Variants in GATAD2A observed in about 807,000 individuals in gnomAD.
GATAD2A encodes transcriptional repressor p66-alpha.
Under a neutral mutation model 68.5 loss-of-function variants are expected in GATAD2A, and 12 were observed. The observed-to-expected ratio is 0.18, with a 90% CI of 0.11 to 0.28. The LOEUF (loss-of-function observed/expected upper bound fraction) is 0.28, where lower values mean the gene tolerates loss of function less well. GATAD2A is among the 10% of genes least tolerant of loss of function. GATAD2A has a pLI of 1.00. For missense variants in GATAD2A, 755 were observed against 868.5 expected (o/e 0.87, Z 1.64); for synonymous variants, 410 against 375.3 (o/e 1.09, Z -1.07).
At chr19:19,458,310 C>T (rs1176874613) in intron 1 of GATAD2A, among the ~76,000 whole-genome samples, 1 of 152,174 alleles carries the variant, frequency 6.6e-6, no homozygotes, top group Non-Finnish European at 1.5e-5. Flanking sequence ...CTTTTCCTGC[C>T]CTGGCCTCAG....
At chr19:19,483,564 G>C (rs1196038111) in intron 2 of GATAD2A, among the ~76,000 whole-genome samples, 1 of 152,114 alleles carries the variant, frequency 6.6e-6, no homozygotes, top group African/African-American at 2.4e-5. Flanking sequence ...GGGCCTCAGG[G>C]CATGGGGAGC....
At position 19,507,573 on chromosome 19, in the gene GATAD2A, C is replaced by T. The variant is rs1230024165; in HGVS notation, c.*2099C>T. ...CAGATCCGAGCCGCACCTGCCGGCCCCCAGCCCCAGCTCCAGCTCCTGACC... is the reference window on the plus strand; with the variant it reads ...CAGATCCGAGCCGCACCTGCCGGCCTCCAGCCCCAGCTCCAGCTCCTGACC... On this transcript the variant is annotated 3_prime_UTR_variant, in exon 12 of 12. Coordinates refer to ENST00000683918, the MANE Select transcript of GATAD2A (RefSeq NM_001384528.1). The T allele has an allele frequency of 6.5e-6, 1 of 152,766 alleles. No homozygotes were observed. The highest frequency in any genetic ancestry group is 1.9e-4 in the East Asian group (1 of 5,202). The allele number at this position is 152,766 out of a possible 1,614,324, so 9.5% of individuals were successfully genotyped here. A position where few individuals can be genotyped will look rare whatever the true frequency, so the allele number is the denominator to read the frequency against.
At chr19:19,411,696 C>T (rs1025222305) in intron 1 of GATAD2A, among the ~76,000 whole-genome samples, 1 of 152,184 alleles carries the variant, frequency 6.6e-6, no homozygotes, top group Non-Finnish European at 1.5e-5. Context: ...TTGGCGGAGA[C>T]AGCATCTTTG....
intron 1 of GATAD2A, among the ~76,000 whole-genome samples, chr19:19,437,595 C>T (rs1264711967): frequency 6.6e-6 from 1 of 152,164 alleles, no homozygotes; most frequent in Non-Finnish European, 1.5e-5. Flanking sequence ...CTCCTCATCT[C>T]CCCCTCCCCT....
At chr19:19,406,413 C>T (rs1249436861) in intron 1 of GATAD2A, among the ~76,000 whole-genome samples, 1 of 125,058 alleles carries the variant, frequency 8.0e-6, no homozygotes, top group Non-Finnish European at 1.7e-5. Flanking sequence ...CGCTCAGGGG[C>T]GGGGGTCCGG....
intron 1 of GATAD2A, among the ~76,000 whole-genome samples, chr19:19,397,520 G>A (rs980253334): frequency 2.6e-5 from 4 of 152,018 alleles, no homozygotes; most frequent in African/African-American, 4.8e-5. Context: ...CCTCCGTACC[G>A]GGCCTTAAAT....
At chr19:19,487,620 C>G (rs1361692987) in intron 2 of GATAD2A, among the ~76,000 whole-genome samples, 1 of 152,138 alleles carries the variant, frequency 6.6e-6, no homozygotes, top group Non-Finnish European at 1.5e-5. Context: ...ACCCCGAGTT[C>G]TGCCATGACC....
chr19:19,386,650 C>T (rs1270945333), intron 1 of GATAD2A, among the ~76,000 whole-genome samples: 1 of 151,888 alleles, frequency 6.6e-6, no homozygotes, highest in Non-Finnish European at 1.5e-5. Context: ...CTCTAGGGGA[C>T]CTCGTCTCTA....
Position 19,505,513 on chromosome 19 carries a change from C to G in GATAD2A, c.*39C>G. The G allele has an allele frequency of 6.5e-7, 1 of 1,533,928 alleles. No homozygotes were observed. ...CCGTGGAAGACGGGCTCCCTCCTCC[C>G]CCACCTGGCCCCTGGTCTAGAAGGA... On this transcript the variant is annotated 3_prime_UTR_variant, in exon 12 of 12. Transcript: ENST00000683918.
At chr19:19,436,883 A>G (rs924887891) in intron 1 of GATAD2A, among the ~76,000 whole-genome samples, 32 of 152,346 alleles carry the variant, frequency 2.1e-4, no homozygotes, top group Admixed American at 7.8e-4. Context: ...GGGGACACAC[A>G]TGGGCCAGAG....
intron 2 of GATAD2A, among the ~76,000 whole-genome samples, chr19:19,468,399 A>G (rs1374437854): frequency 6.6e-6 from 1 of 151,754 alleles, no homozygotes; most frequent in Non-Finnish European, 1.5e-5. Context: ...GGCAAGATAG[A>G]AAAACTATTT....
At chr19:19,417,252 G>A (rs1204913563) in intron 1 of GATAD2A, among the ~76,000 whole-genome samples, 1 of 152,148 alleles carries the variant, frequency 6.6e-6, no homozygotes, top group African/African-American at 2.4e-5. Flanking sequence ...ATGAGTGACA[G>A]GGGTGCAGAC....
intron 1 of GATAD2A, among the ~76,000 whole-genome samples, chr19:19,444,195 T>C (rs1451051645): frequency 6.6e-6 from 1 of 152,158 alleles, no homozygotes; most frequent in African/African-American, 2.4e-5. Context: ...CCTGACTCTA[T>C]GATGAAAACC....
At chr19:19,474,460 C>T (rs998354302) in intron 2 of GATAD2A, among the ~76,000 whole-genome samples, 3 of 152,312 alleles carry the variant, frequency 2.0e-5, no homozygotes, top group Admixed American at 1.3e-4. Context: ...GCCTCTTTTC[C>T]GGTTTTCCAG....
At chr19:19,443,023 A>G (rs1238240547) in intron 1 of GATAD2A, among the ~76,000 whole-genome samples, 5 of 152,134 alleles carry the variant, frequency 3.3e-5, no homozygotes, top group African/African-American at 9.7e-5. Flanking sequence ...GGGATGCTCT[A>G]CACCGTCTGC....
At chr19:19,451,929 C>T (rs938825871) in intron 1 of GATAD2A, among the ~76,000 whole-genome samples, 5 of 152,164 alleles carry the variant, frequency 3.3e-5, no homozygotes, top group African/African-American at 1.2e-4. Flanking sequence ...GCCTTGAACC[C>T]ATGGACTCAA....
rs146870762 is a variant in GATAD2A, at chr19:19,390,157, G to T, written c.-7+4019G>T. On this transcript the variant is annotated intron_variant, in intron 1 of 11. Transcript: ENST00000360315. ...TCAGAAGGAGCCAGTTCAGATTCTG[G>T]TGCTGCCCTTCTTAGTTATGTGGCC... 3.5e-3 allele frequency among the ~76,000 whole-genome samples: 527 copies of T among 152,284 alleles called. 5 individuals carry two copies. The highest frequency in any genetic ancestry group is 0.013 in the African/African-American group (523 of 41,562).
chr19:19,429,127 G>A, intron 1 of GATAD2A: 1 of 912,340 alleles, frequency 1.1e-6, no homozygotes, highest in Non-Finnish European at 1.3e-6. Flanking sequence ...CCACGTGGGT[G>A]TTAGATGAGG....
rs145582602 is a variant in GATAD2A at position 19,389,047 on chromosome 19, C to T, written c.-7+2909C>T. Among the ~76,000 whole-genome samples the T allele has an allele frequency of 5.3e-3, 800 of 152,166 alleles. 6 individuals are homozygous for T. Among genetic ancestry groups the T allele is most frequent in the South Asian group, 0.041 (196 of 4,816 alleles). On this transcript the variant is annotated intron_variant, in intron 1 of 11. Coordinates refer to the GATAD2A transcript ENST00000360315. ...GGCCTGGCCCAAAAGGAACTTTTTA[C>T]GTGGCGTTTACAAATCTCATATGTA...
Sources: allele counts gnomAD v4.1 joint callset (sites outside exome capture counted in the v4.1 genomes callset), GRCh38; gene constraint gnomAD v4.1.1; transcripts MANE v1.5; gene names NCBI Gene and HGNC (gene_info 2026-07-23, HGNC 2026-07-21).